CFAP61: variants seen among roughly 807,000 people sequenced by gnomAD.
CFAP61 encodes the protein cilia- and flagella-associated protein 61.
CFAP61 carries 107 observed loss-of-function variants against 135.6 expected under a neutral mutation model. That is an observed-to-expected ratio of 0.79 (90% CI 0.67 to 0.93). CFAP61 has a LOEUF of 0.93. Among genes scored for constraint, CFAP61 ranks in the 40% least tolerant of loss-of-function variants. The probability of loss-of-function intolerance (pLI) is 0.00; values close to 1 mark genes in which losing one functional copy is unlikely to be tolerated. For synonymous variants in CFAP61, 575 were observed against 578.5 expected (o/e 0.99, Z 0.09); for missense variants, 1,507 against 1,556.2 (o/e 0.97, Z 0.53).
intron 17 of CFAP61, among the ~76,000 whole-genome samples, chr20:20,216,652 G>GT (rs1164934687): frequency 6.6e-6 from 1 of 152,086 alleles, no homozygotes; most frequent in Non-Finnish European, 1.5e-5. Flanking sequence ...TTTTATTTTC[G>GT]TAACTACTTC....
At chr20:20,137,906 G>A (rs2051061342) in intron 8 of CFAP61, among the ~76,000 whole-genome samples, 1 of 152,152 alleles carries the variant, frequency 6.6e-6, no homozygotes, top group Non-Finnish European at 1.5e-5. Context: ...GGCCCATGGC[G>A]AGTACTACCT....
In CFAP61 at chr20:20,191,378, G is replaced by A. The variant is rs2055908890; in HGVS notation, c.1549G>A (p.Ala517Thr). ...GCTGCAGGCATTTGTAGCTGAAGTT[G>A]CAGAACAAATAGTTGGTATTGCAGT... ...TLLQAFVAEV[A>T]EQIVGIAVIR... The change falls in exon 15 of 27, where the codon GCA (alanine) becomes ACA (threonine). Residue 517 changes from alanine (A) to threonine (T), a missense_variant. By Grantham distance (58) the Ala-to-Thr change is moderately conservative (BLOSUM62 0). Transcript: ENST00000245957. The A allele has an allele frequency of 3.7e-6, 6 of 1,613,152 alleles. No homozygotes were observed. The highest frequency in any genetic ancestry group is 1.7e-5 in the Admixed American group (1 of 59,990).
intron 13 of CFAP61, among the ~76,000 whole-genome samples, chr20:20,182,322 G>GCA (rs2055166808): frequency 2.6e-5 from 4 of 152,222 alleles, no homozygotes; most frequent in African/African-American, 9.6e-5. Flanking sequence ...AAAATAGTAT[G>GCA]CATCCTTACA....
chr20:20,175,487 TG>T (rs1205529716), intron 13 of CFAP61, among the ~76,000 whole-genome samples: 11 of 130,860 alleles, frequency 8.4e-5, no homozygotes, highest in Admixed American at 2.3e-4. Context: ...GTTTTTTTTT[TG>T]TTTTTGTTTT....
chr20:20,070,832 G>T (rs1205387560), intron 2 of CFAP61, 22 bp from the exon 3 acceptor site: 1 of 1,603,640 alleles, frequency 6.2e-7, no homozygotes, highest in Non-Finnish European at 8.5e-7. Context: ...ATTCATGTTT[G>T]CAATTGTAAT....
intron 8 of CFAP61, among the ~76,000 whole-genome samples, chr20:20,125,173 T>A (rs2049972016): frequency 6.6e-6 from 1 of 151,862 alleles, no homozygotes; most frequent in African/African-American, 2.4e-5. Flanking sequence ...AGAACCATCT[T>A]ATTGTTTCAT....
At chr20:20,345,883 C>CTTTTTTTT (rs756813997) in intron 26 of CFAP61, among the ~76,000 whole-genome samples, 1 of 50,428 alleles carries the variant, frequency 2.0e-5, no homozygotes, top group Non-Finnish European at 3.4e-5. Context: ...GATTGTGCCA[C>CTTTTTTTT]TTTTTTTTTT....
intron 25 of CFAP61, among the ~76,000 whole-genome samples, chr20:20,305,545 G>A (rs2056420840): frequency 6.6e-6 from 1 of 152,182 alleles, no homozygotes; most frequent in Admixed American, 6.5e-5. Flanking sequence ...CCTAAAAGGT[G>A]GTGGATGGTA....
chr20:20,247,125 G>A (rs993123504), intron 19 of CFAP61, among the ~76,000 whole-genome samples: 5 of 152,096 alleles, frequency 3.3e-5, no homozygotes, highest in East Asian at 1.9e-4. Context: ...TTTTGATCAC[G>A]AGCAGTACAC....
intron 16 of CFAP61, among the ~76,000 whole-genome samples, chr20:20,197,694 A>G (rs564658879): frequency 4.1e-5 from 6 of 147,152 alleles, no homozygotes; most frequent in Non-Finnish European, 7.5e-5. Context: ...GAAAAGGCCT[A>G]TTCAAGATAG....
chr20:20,339,327 C>A (rs1383274555), intron 25 of CFAP61, among the ~76,000 whole-genome samples: 1 of 152,110 alleles, frequency 6.6e-6, no homozygotes, highest in Non-Finnish European at 1.5e-5. Context: ...CACCATAGTA[C>A]CTGGCGGCCA....
chr20:20,241,319 T>C (rs1432428802), intron 18 of CFAP61, among the ~76,000 whole-genome samples: 1 of 152,036 alleles, frequency 6.6e-6, no homozygotes, highest in Non-Finnish European at 1.5e-5. Context: ...AACTTGAAGG[T>C]TGGAGAAAGG....
At chr20:20,075,358 C>A in intron 5 of CFAP61, 102 bp downstream of exon 5, 1 of 1,436,968 alleles carries the variant, frequency 7.0e-7, no homozygotes, top group Non-Finnish European at 9.8e-7. Flanking sequence ...GTCTCCAGGT[C>A]CTCAATGTAC....
chr20:20,180,085 C>A (rs997244380), intron 13 of CFAP61, among the ~76,000 whole-genome samples: 1 of 152,144 alleles, frequency 6.6e-6, no homozygotes, highest in Non-Finnish European at 1.5e-5. Flanking sequence ...AACAGACAAC[C>A]TATAGAATGG....
intron 25 of CFAP61, among the ~76,000 whole-genome samples, chr20:20,303,626 G>A (rs141980504): frequency 1.3e-5 from 2 of 152,224 alleles, no homozygotes; most frequent in African/African-American, 4.8e-5. Flanking sequence ...CAGACTGGCT[G>A]GCGAGGCTCT....
intron 26 of CFAP61, among the ~76,000 whole-genome samples, chr20:20,352,191 A>C (rs761073972): frequency 6.6e-6 from 1 of 152,162 alleles, no homozygotes; most frequent in Non-Finnish European, 1.5e-5. Flanking sequence ...TGGCAGGAGC[A>C]TGAGAAGAGC....
chr20:20,064,885 A>C (rs1449144738), intron 2 of CFAP61, among the ~76,000 whole-genome samples: 15 of 152,202 alleles, frequency 9.9e-5, no homozygotes. Context: ...GTTCAGGGTA[A>C]TCTGAAGGAA....
At chr20:20,088,966 A>C (rs1322785458) in intron 6 of CFAP61, among the ~76,000 whole-genome samples, 1 of 152,118 alleles carries the variant, frequency 6.6e-6, no homozygotes, top group African/African-American at 2.4e-5. Context: ...GCGGTCATTC[A>C]GTTTAAAGCA....
At chr20:20,161,005 C>T (rs796240012) in intron 10 of CFAP61, among the ~76,000 whole-genome samples, 3 of 152,278 alleles carry the variant, frequency 2.0e-5, no homozygotes, top group African/African-American at 7.2e-5. Flanking sequence ...GCAGCCTCCC[C>T]TTCCTCACCT....
Sources: gnomAD v4.1 joint callset for allele counts (sites outside exome capture counted in the v4.1 genomes callset) on GRCh38, gnomAD v4.1.1 for gene constraint, MANE v1.5 for transcripts, NCBI Gene and HGNC (gene_info 2026-07-23, HGNC 2026-07-21) for gene names.